Variants in MAF observed in about 807,000 individuals in gnomAD.
MAF encodes the protein MAF bZIP transcription factor, also known as transcription factor Maf.
MAF carries 10 observed loss-of-function variants against 22.0 expected under a neutral mutation model. That is an observed-to-expected ratio of 0.45 (90% CI 0.28 to 0.77). The LOEUF (loss-of-function observed/expected upper bound fraction) is 0.77. MAF is among the 30% of genes least tolerant of loss of function. MAF has a pLI of 0.12. For missense variants in MAF, 544 were observed against 548.4 expected (o/e 0.99, Z 0.08); for synonymous variants, 337 against 255.8 (o/e 1.32, Z -3.03).
At chr16:79,255,662 C>A in the MAF span, among the ~76,000 whole-genome samples, 1 of 152,178 alleles carries the variant, frequency 6.6e-6, no homozygotes, top group Non-Finnish European at 1.5e-5. Context: ...CTTCAACTGT[C>A]TGTACAGATT....
At chr16:79,251,517 A>T in the MAF span, among the ~76,000 whole-genome samples, 1 of 152,006 alleles carries the variant, frequency 6.6e-6, no homozygotes, top group Admixed American at 6.6e-5. Flanking sequence ...GGATTTCACC[A>T]TGTTGGTCAG....
chr16:79,537,848 G>C, the MAF span, among the ~76,000 whole-genome samples: 103 of 152,268 alleles, frequency 6.8e-4, no homozygotes, highest in African/African-American at 2.4e-3. Context: ...CGTTGATTGA[G>C]CACCTTCTAT....
chr16:79,373,907 G>A, the MAF span, among the ~76,000 whole-genome samples: 2 of 152,286 alleles, frequency 1.3e-5, no homozygotes, highest in Admixed American at 6.5e-5. Flanking sequence ...ACATAAAATA[G>A]ACTAAGATGG....
At chr16:79,513,643 CCCTGTCCCTCTGTTT>C in the MAF span, among the ~76,000 whole-genome samples, 8 of 152,174 alleles carry the variant, frequency 5.3e-5, no homozygotes, top group African/African-American at 1.9e-4. Flanking sequence ...TACTTAATCT[CCCTGTCCCTCTGTTT>C]CCTAATCCAT....
At chr16:79,404,006 G>T in the MAF span, among the ~76,000 whole-genome samples, 1 of 152,080 alleles carries the variant, frequency 6.6e-6, no homozygotes, top group Non-Finnish European at 1.5e-5. Flanking sequence ...ATGCAGTGTG[G>T]ACCATGCATC....
chr16:79,312,850 G>T, the MAF span, among the ~76,000 whole-genome samples: 1 of 152,144 alleles, frequency 6.6e-6, no homozygotes, highest in Admixed American at 6.5e-5. Flanking sequence ...ACCTTTGCAA[G>T]TTTACTTACT....
chr16:79,523,423 TCA>T, the MAF span, among the ~76,000 whole-genome samples: 3 of 152,230 alleles, frequency 2.0e-5, no homozygotes, highest in African/African-American at 7.2e-5. Context: ...AAAATAACTT[TCA>T]CACATGTTAC....
chr16:79,322,713 G>A, the MAF span, among the ~76,000 whole-genome samples: 1 of 152,052 alleles, frequency 6.6e-6, no homozygotes, highest in Non-Finnish European at 1.5e-5. Context: ...TCTAGCCGGG[G>A]TCAAGGTGGA....
the MAF span, among the ~76,000 whole-genome samples, chr16:79,258,338 G>C: frequency 2.0e-5 from 3 of 152,170 alleles, no homozygotes; most frequent in Non-Finnish European, 4.4e-5. Context: ...TGCTCCATGG[G>C]GACCAGGGTC....
chr16:79,231,532 A>C, the MAF span, among the ~76,000 whole-genome samples: 1 of 152,054 alleles, frequency 6.6e-6, no homozygotes, highest in Non-Finnish European at 1.5e-5. Context: ...GAATTTTCTT[A>C]TCTCTGTTAT....
chr16:79,527,877 C>T, the MAF span, among the ~76,000 whole-genome samples: 2 of 152,038 alleles, frequency 1.3e-5, no homozygotes, highest in African/African-American at 2.4e-5. Context: ...CATGGTGGCT[C>T]ACACCTGTAA....
intron 1 of MAF, among the ~76,000 whole-genome samples, chr16:79,586,619 G>A (rs1297619486): frequency 1.3e-5 from 2 of 152,162 alleles, no homozygotes; most frequent in African/African-American, 4.8e-5. Flanking sequence ...GAATAACAAA[G>A]CACAGTAATT....
the MAF span, among the ~76,000 whole-genome samples, chr16:79,574,755 T>C: frequency 6.6e-6 from 1 of 152,190 alleles, no homozygotes; most frequent in Admixed American, 6.5e-5. Context: ...GCACCTTACC[T>C]GACTGCCTTG....
chr16:79,349,728 G>C, the MAF span, among the ~76,000 whole-genome samples: 2 of 152,152 alleles, frequency 1.3e-5, no homozygotes, highest in Non-Finnish European at 2.9e-5. Flanking sequence ...TCTTGCTTTA[G>C]GCCATGAACA....
At chr16:79,224,488 T>C in the MAF span, among the ~76,000 whole-genome samples, 13 of 152,052 alleles carry the variant, frequency 8.5e-5, no homozygotes, top group African/African-American at 2.9e-4. Context: ...CTATTCCACA[T>C]AGTATTGGAA....
chr16:79,207,272 T>A, the MAF span, among the ~76,000 whole-genome samples: 1 of 152,246 alleles, frequency 6.6e-6, no homozygotes, highest in African/African-American at 2.4e-5. Context: ...AAGTATTTGC[T>A]TTGTCCAACA....
Position 79,598,778 on chromosome 16 carries a change from G to A in MAF, c.1118+7C>T, listed in dbSNP as rs759490385. 6.2e-7 allele frequency: 1 copy of A among 1,613,834 alleles called. No homozygotes were observed. Among genetic ancestry groups the A allele is most frequent in the Non-Finnish European group, 8.5e-7 (1 of 1,179,992 alleles). ...GGTGGCTAGCTGGAATCGCGTGTCA[G>A]ACTCACATGAAAAACTCGGGAGAGG... On this transcript the variant is annotated splice_region_variant and intron_variant, in intron 1 of 1. Coordinates refer to ENST00000326043, the MANE Select transcript of MAF (RefSeq NM_005360.5).
intron 1 of MAF, among the ~76,000 whole-genome samples, chr16:79,586,971 A>G (rs1331965983): frequency 1.3e-5 from 2 of 152,254 alleles, no homozygotes; most frequent in Admixed American, 6.5e-5. Context: ...TTACCTTACA[A>G]TTGGTGCGAA....
At chr16:79,265,586 T>A in the MAF span, among the ~76,000 whole-genome samples, 16 of 152,296 alleles carry the variant, frequency 1.1e-4, no homozygotes, top group African/African-American at 3.4e-4. Context: ...AAGATTAATT[T>A]AAAAATTAGG....
Sources: gnomAD v4.1 joint callset for allele counts (sites outside exome capture counted in the v4.1 genomes callset) on GRCh38, gnomAD v4.1.1 for gene constraint, MANE v1.5 for transcripts, NCBI Gene and HGNC (gene_info 2026-07-23, HGNC 2026-07-21) for gene names.